PPP2R2B: variants seen among roughly 807,000 people sequenced by gnomAD.
PPP2R2B encodes protein phosphatase 2 regulatory subunit Bbeta.
Under a neutral mutation model 46.0 loss-of-function variants are expected in PPP2R2B, and 5 were observed. That is an observed-to-expected ratio of 0.11 (90% CI 0.06 to 0.23). PPP2R2B has a LOEUF of 0.23. PPP2R2B is among the 10% of genes least tolerant of loss of function. The pLI is 1.00. For synonymous variants in PPP2R2B, 215 were observed against 206.7 expected (o/e 1.04, Z -0.34); for missense variants, 367 against 575.0 (o/e 0.64, Z 3.70).
intron 1 of PPP2R2B, among the ~76,000 whole-genome samples, chr5:146,958,159 C>T (rs1670422841): frequency 6.6e-6 from 1 of 152,084 alleles, no homozygotes; most frequent in South Asian, 2.1e-4. Context: ...TCGCAGATCT[C>T]CCGAAGGCCC....
At chr5:146,983,280 A>C (rs1753264798) in intron 1 of PPP2R2B, among the ~76,000 whole-genome samples, 1 of 142,676 alleles carries the variant, frequency 7.0e-6, no homozygotes, top group African/African-American at 2.6e-5. Context: ...TCCCGGGTTC[A>C]CACCATTCTC....
At chr5:146,691,887 G>T (rs1275084103) in intron 4 of PPP2R2B, among the ~76,000 whole-genome samples, 3 of 152,062 alleles carry the variant, frequency 2.0e-5, no homozygotes, top group African/African-American at 4.8e-5. Flanking sequence ...CGTATAATTT[G>T]CTCCTTTACT....
At chr5:146,641,746 A>G (rs192369319) in intron 6 of PPP2R2B, among the ~76,000 whole-genome samples, 35 of 152,304 alleles carry the variant, frequency 2.3e-4, no homozygotes, top group African/African-American at 7.0e-4. Flanking sequence ...TTTTCAGCAT[A>G]TGTAATTTTG....
chr5:146,990,979 T>C (rs1753674943), intron 1 of PPP2R2B, among the ~76,000 whole-genome samples: 1 of 151,970 alleles, frequency 6.6e-6, no homozygotes, highest in Admixed American at 6.6e-5. Flanking sequence ...ATCTTGAACA[T>C]CGTTAATCAT....
intron 2 of PPP2R2B, among the ~76,000 whole-genome samples, chr5:146,866,614 A>C (rs1025362392): frequency 2.7e-5 from 4 of 148,912 alleles, no homozygotes; most frequent in Admixed American, 6.8e-5. Flanking sequence ...ATATATACAC[A>C]CACGCAGATA....
At chr5:146,629,755 CCTTT>C (rs1340468702) in intron 7 of PPP2R2B, among the ~76,000 whole-genome samples, 83 of 149,898 alleles carry the variant, frequency 5.5e-4, no homozygotes, top group South Asian at 6.4e-4. Context: ...CCCTCCCTCC[CCTTT>C]TCTTCCTTTT....
chr5:146,738,002 C>T (rs1453141421), intron 2 of PPP2R2B, among the ~76,000 whole-genome samples: 1 of 151,938 alleles, frequency 6.6e-6, no homozygotes, highest in Non-Finnish European at 1.5e-5. Context: ...GGACTATGTT[C>T]GACCTTGAAG....
At chr5:146,925,636 T>G (rs1404892725) in intron 1 of PPP2R2B, among the ~76,000 whole-genome samples, 5 of 152,222 alleles carry the variant, frequency 3.3e-5, no homozygotes, top group Admixed American at 6.5e-5. Flanking sequence ...GTATTTATCC[T>G]GCTTGGGTTT....
intron 1 of PPP2R2B, among the ~76,000 whole-genome samples, chr5:146,951,181 G>GTT (rs200297388): frequency 2.0e-5 from 3 of 150,030 alleles, no homozygotes; most frequent in African/African-American, 7.4e-5. Flanking sequence ...TTTTTTGTTT[G>GTT]TTTTTTTTTA....
chr5:146,816,680 G>A (rs960107917), intron 2 of PPP2R2B, among the ~76,000 whole-genome samples: 1 of 151,970 alleles, frequency 6.6e-6, no homozygotes, highest in African/African-American at 2.4e-5. Flanking sequence ...TAAAAACACA[G>A]GTTTTTTATT....
intron 1 of PPP2R2B, among the ~76,000 whole-genome samples, chr5:146,973,238 T>C (rs1752745887): frequency 6.6e-6 from 1 of 152,246 alleles, no homozygotes; most frequent in African/African-American, 2.4e-5. Context: ...TTTATCGATG[T>C]GCAATAGATA....
chr5:146,907,155 A>C (rs1169499223), intron 1 of PPP2R2B, among the ~76,000 whole-genome samples: 6 of 152,112 alleles, frequency 3.9e-5, no homozygotes, highest in Non-Finnish European at 7.3e-5. Flanking sequence ...TTAGAGCCTA[A>C]ATTATCAGCT....
rs148935485 is a variant in PPP2R2B, at chr5:146,869,047, C to T, written c.70+8955G>A. Reference sequence around the variant, plus strand: ...AGCCTGTACTGGTGCACAGAAAGCCCTCCATAACTACCAGCAATCATTATT... The same window carrying T: ...AGCCTGTACTGGTGCACAGAAAGCCTTCCATAACTACCAGCAATCATTATT... On this transcript the variant is annotated intron_variant, in intron 2 of 9. Transcript: ENST00000394411. Among the ~76,000 whole-genome samples the T allele has an allele frequency of 2.7e-3, 414 of 152,298 alleles. 2 individuals carry two copies. The highest frequency in any genetic ancestry group is 9.5e-3 in the African/African-American group (395 of 41,564).
intron 1 of PPP2R2B, among the ~76,000 whole-genome samples, chr5:146,900,587 C>CCTTCT (rs1762799997): frequency 2.7e-5 from 3 of 112,248 alleles, no homozygotes; most frequent in South Asian, 3.4e-4. Flanking sequence ...TCCTTCCTTC[C>CCTTCT]TTCCTTCTTT....
intron 2 of PPP2R2B, among the ~76,000 whole-genome samples, chr5:146,869,883 C>T (rs758521665): frequency 6.6e-6 from 1 of 152,220 alleles, no homozygotes. Context: ...TACAAAGCTA[C>T]ATAAGCAATG....
chr5:146,729,067 A>G (rs1003661690), intron 2 of PPP2R2B, among the ~76,000 whole-genome samples: 2 of 152,210 alleles, frequency 1.3e-5, no homozygotes, highest in Non-Finnish European at 2.9e-5. Context: ...GAAAGTTTGG[A>G]ACTTCCTAGA....
intron 1 of PPP2R2B, among the ~76,000 whole-genome samples, chr5:147,019,488 G>T (rs1455604592): frequency 6.6e-6 from 1 of 152,140 alleles, no homozygotes; most frequent in Non-Finnish European, 1.5e-5. Flanking sequence ...AGGAAAGGAA[G>T]ATTTTAGATT....
At chr5:146,908,777 C>CCCTCCCTTCCTCCCTTCCTCCCTT (rs200380168) in intron 1 of PPP2R2B, among the ~76,000 whole-genome samples, 5 of 150,560 alleles carry the variant, frequency 3.3e-5, no homozygotes, top group African/African-American at 1.2e-4. Context: ...TCCTTTCCCG[C>CCCTCCCTTCCTCCCTTCCTCCCTT]CCTCCCTTCC....
rs146735689 is a variant in PPP2R2B at position 146,809,021 on chromosome 5, G to A, written c.70+68981C>T. On this transcript the variant is annotated intron_variant, in intron 2 of 9. Transcript: ENST00000394411. Reference sequence around the variant, plus strand: ...CGCGCGCACCCACTTCTCCAGTGATGAATGTCCTTGGGTCCTGGAGTTTCC... The same window carrying A: ...CGCGCGCACCCACTTCTCCAGTGATAAATGTCCTTGGGTCCTGGAGTTTCC... Among the ~76,000 whole-genome samples the A allele has an allele frequency of 4.0e-3, 600 of 151,524 alleles. 8 individuals are homozygous for A. Among genetic ancestry groups the A allele is most frequent in the African/African-American group, 0.014 (569 of 41,182 alleles).
Sources: gnomAD v4.1 joint callset for allele counts (sites outside exome capture counted in the v4.1 genomes callset) on GRCh38, gnomAD v4.1.1 for gene constraint, MANE v1.5 for transcripts, NCBI Gene and HGNC (gene_info 2026-07-23, HGNC 2026-07-21) for gene names.